BDNF: variants seen among roughly 807,000 people sequenced by gnomAD.
BDNF encodes brain derived neurotrophic factor, also known as neurotrophic factor BDNF precursor form.
A neutral mutation model predicts 19.5 loss-of-function variants in BDNF; 1 was observed. The ratio of observed to expected loss-of-function variants is 0.05; its 90% confidence interval spans 0.02 to 0.24. The LOEUF (loss-of-function observed/expected upper bound fraction) is 0.24, where lower values mean the gene tolerates loss of function less well. Among genes scored for constraint, BDNF ranks in the 10% least tolerant of loss-of-function variants. BDNF has a pLI of 1.00. For missense variants in BDNF, 195 were observed against 317.6 expected, an observed-to-expected ratio of 0.61 and a Z score of 2.93; for synonymous variants, 100 against 121.6, an observed-to-expected ratio of 0.82 and a Z score of 1.17.
At chr11:27,678,509 A>C (rs983569815) in intron 1 of BDNF, among the ~76,000 whole-genome samples, 1 of 152,236 alleles carries the variant, frequency 6.6e-6, no homozygotes, top group Non-Finnish European at 1.5e-5. Flanking sequence ...CATACACTGC[A>C]AATTCTGTGA....
At chr11:27,715,964 G>A (rs1445995577) in intron 1 of BDNF, among the ~76,000 whole-genome samples, 1 of 152,080 alleles carries the variant, frequency 6.6e-6, no homozygotes, top group Non-Finnish European at 1.5e-5. Flanking sequence ...GTTTTATAAT[G>A]TTGGAAAGAA....
upstream of BDNF, chr11:27,701,408 A>G (rs1002761094): frequency 7.2e-5 from 75 of 1,037,894 alleles, no homozygotes; most frequent in African/African-American, 3.2e-4. Flanking sequence ...CGCTTAATTA[A>G]AGGGGGGAGG....
chr11:27,694,694 G>T (rs374618787), intron 1 of BDNF, among the ~76,000 whole-genome samples: 3 of 138,926 alleles, frequency 2.2e-5, no homozygotes, highest in Non-Finnish European at 4.7e-5. Flanking sequence ...TTTGTTTTTT[G>T]TGTGTGTGTT....
chr11:27,709,667 C>T (rs1860249095), intron 1 of BDNF, among the ~76,000 whole-genome samples: 1 of 152,124 alleles, frequency 6.6e-6, no homozygotes, highest in Non-Finnish European at 1.5e-5. Flanking sequence ...GGCCATGTAA[C>T]CTGGGCAAGC....
At chr11:27,672,915 T>C (rs577663584) in intron 1 of BDNF, among the ~76,000 whole-genome samples, 30 of 152,296 alleles carry the variant, frequency 2.0e-4, no homozygotes, top group African/African-American at 7.0e-4. Context: ...TACGAAAGAC[T>C]GCAAAGGTTG....
At chr11:27,680,309 A>G (rs1299233080) in intron 1 of BDNF, among the ~76,000 whole-genome samples, 1 of 152,240 alleles carries the variant, frequency 6.6e-6, no homozygotes, top group East Asian at 1.9e-4. Context: ...GTGGCAAAGG[A>G]GAAAGGCCTT....
chr11:27,720,075 G>A (rs1196061199), intron 1 of BDNF, among the ~76,000 whole-genome samples: 1 of 152,172 alleles, frequency 6.6e-6, no homozygotes, highest in Admixed American at 6.5e-5. Context: ...AGGAGAAAAA[G>A]AGAGATAAAT....
intron 1 of BDNF, among the ~76,000 whole-genome samples, chr11:27,680,240 G>A (rs570711999): frequency 6.6e-6 from 1 of 152,344 alleles, no homozygotes; most frequent in African/African-American, 2.4e-5. Context: ...TGTGGTACAT[G>A]CTGTAACTAA....
chr11:27,681,940 C>G (rs1856877625), intron 1 of BDNF, among the ~76,000 whole-genome samples: 1 of 152,142 alleles, frequency 6.6e-6, no homozygotes, highest in Non-Finnish European at 1.5e-5. Context: ...GAGTCAAACT[C>G]GATCCTCCTC....
intron 1 of BDNF, among the ~76,000 whole-genome samples, chr11:27,685,523 C>G (rs961954634): frequency 2.0e-5 from 3 of 152,174 alleles, no homozygotes; most frequent in African/African-American, 7.2e-5. Flanking sequence ...CCTGCTTTCT[C>G]CTGTGGGCAT....
chr11:27,700,841 C>A, upstream of BDNF: 1 of 1,240,496 alleles, frequency 8.1e-7, no homozygotes, highest in Non-Finnish European at 1.0e-6. Context: ...GGCGCTGGGG[C>A]GGGAGGGAGC....
Position 27,656,710 on chromosome 11 carries a change from C to T in BDNF, c.*1111G>A. On this transcript the variant is annotated 3_prime_UTR_variant, in exon 2 of 2. Transcript: ENST00000356660. ...TTGCTTACAAGACATTGTTAAGCCT[C>T]ACCATGAGTTTTTTTTAAGCTTAGC... 1 of 985,406 alleles carries T rather than the reference C, an allele frequency of 1.0e-6. No individual in the cohort carries two copies. The highest frequency in any genetic ancestry group is 1.2e-6 in the Non-Finnish European group (1 of 829,916). The allele number at this position is 985,406 out of a possible 1,614,324, so 61.0% of individuals were successfully genotyped here. A position where few individuals can be genotyped will look rare whatever the true frequency, so the allele number is the denominator to read the frequency against.
intron 1 of BDNF, among the ~76,000 whole-genome samples, chr11:27,694,783 G>A (rs921981421): frequency 1.3e-5 from 2 of 151,778 alleles, no homozygotes; most frequent in South Asian, 2.1e-4. Flanking sequence ...ATCATAAATC[G>A]AAAACATTCT....
At position 27,657,817 on chromosome 11, in the gene BDNF, T is replaced by C. The variant is rs1477458422; in HGVS notation, c.*4A>G. 11 of 1,612,428 alleles carry C rather than the reference T, an allele frequency of 6.8e-6. No individual in the cohort carries two copies. Among genetic ancestry groups the C allele is most frequent in the Non-Finnish European group, 9.3e-6 (11 of 1,178,588 alleles). On this transcript the variant is annotated 3_prime_UTR_variant, in exon 2 of 2. Transcript: ENST00000356660. The surrounding 1 kb of genome is among the most constrained non-coding windows in gnomAD (Gnocchi z 5.0). ...TATAATCTAATCTATACAACATAAA[T>C]CCACTATCTTCCCCTTTTAATGGTC...
chr11:27,702,790 G>A (rs575506568), upstream of BDNF, among the ~76,000 whole-genome samples: 25 of 152,206 alleles, frequency 1.6e-4, 3 homozygotes, highest in South Asian at 5.2e-3. Flanking sequence ...AGAAGAATCC[G>A]ATCCTCTGCC....
At chr11:27,674,786 G>T in intron 1 of BDNF, 1 of 964,492 alleles carries the variant, frequency 1.0e-6, no homozygotes, top group Non-Finnish European at 1.2e-6. Flanking sequence ...TTTCATCTAA[G>T]CATAGGACAG....
At chr11:27,663,701 A>G (rs1359074862) in intron 1 of BDNF, among the ~76,000 whole-genome samples, 3 of 152,180 alleles carry the variant, frequency 2.0e-5, no homozygotes, top group African/African-American at 7.2e-5. Flanking sequence ...AGCTTTTACC[A>G]TCAGGATGTG....
chr11:27,656,396 G>T lies in BDNF; in HGVS notation c.*1425C>A. The T allele has an allele frequency of 3.1e-6, 1 of 326,596 alleles. No individual in the cohort carries two copies. Among genetic ancestry groups the T allele is most frequent in the Non-Finnish European group, 4.4e-6 (1 of 227,366 alleles). 20.2% of individuals were successfully genotyped at this position (326,596 alleles called of 1,614,324 possible). On this transcript the variant is annotated 3_prime_UTR_variant, in exon 2 of 2. Transcript: ENST00000356660. ...TCCAGTCGAGAACCTCTTGAGCACA[G>T]TTAGATAATGTAGGCACTTAAAGCA...
rs546184191 is a variant in BDNF, at chr11:27,699,257, C to CA, written c.-22+906dup. 1,329 of 1,323,708 alleles carry CA rather than the reference C, an allele frequency of 1.0e-3. 18 individuals are homozygous for CA. The South Asian group carries it at 0.015, about 15-fold the overall frequency. The allele number at this position is 1,323,708 out of a possible 1,614,324, so 82.0% of individuals were successfully genotyped here. A position where few individuals can be genotyped will look rare whatever the true frequency, so the allele number is the denominator to read the frequency against. ...CACACAAACACTGCATCCTCCAGTTCACCCTCGCAGCCCCGAGGCTTCTTC... is the reference window on the plus strand; with the variant it reads ...CACACAAACACTGCATCCTCCAGTTCAACCCTCGCAGCCCCGAGGCTTCTTC... On this transcript the variant is annotated intron_variant, in intron 1 of 1. Transcript: ENST00000356660.
Sources: gnomAD v4.1 joint callset for allele counts (sites outside exome capture counted in the v4.1 genomes callset) on GRCh38, gnomAD v4.1.1 for gene constraint, Gnocchi (gnomAD v3.1) non-coding constraint, MANE v1.5 for transcripts, NCBI Gene and HGNC (gene_info 2026-07-23, HGNC 2026-07-21) for gene names.